TSPAN5: variants seen among roughly 807,000 people sequenced by gnomAD.
TSPAN5 encodes the protein tetraspanin 5, also known as tetraspanin-5.
A neutral mutation model predicts 37.1 loss-of-function variants in TSPAN5; 10 were observed. That is an observed-to-expected ratio of 0.27 (90% confidence interval 0.17 to 0.46). The LOEUF (loss-of-function observed/expected upper bound fraction) is 0.46. Ranked by LOEUF, TSPAN5 falls within the 20% of genes least tolerant of loss-of-function variation. The pLI is 1.00. For missense variants in TSPAN5, 195 were observed against 326.6 expected (o/e 0.60, Z 3.11); for synonymous variants, 110 against 118.9 (o/e 0.93, Z 0.48).
At chr4:98,598,769 C>T (rs1359772484) in intron 1 of TSPAN5, among the ~76,000 whole-genome samples, 1 of 152,138 alleles carries the variant, frequency 6.6e-6, no homozygotes, top group Admixed American at 6.5e-5. Flanking sequence ...TGCCTGGCCC[C>T]TCCTAAATTT....
At chr4:98,530,487 C>T (rs920670944) in intron 1 of TSPAN5, among the ~76,000 whole-genome samples, 8 of 152,140 alleles carry the variant, frequency 5.3e-5, no homozygotes. Flanking sequence ...GGAAAAGCCA[C>T]AGCCGTTTCC....
chr4:98,521,214 G>A (rs1163407309), intron 1 of TSPAN5, among the ~76,000 whole-genome samples: 4 of 152,220 alleles, frequency 2.6e-5, no homozygotes, highest in Non-Finnish European at 5.9e-5. Context: ...ACAGGTGTGA[G>A]CCACCTTATC....
chr4:98,651,493 G>T (rs2110291557), intron 1 of TSPAN5, among the ~76,000 whole-genome samples: 1 of 152,274 alleles, frequency 6.6e-6, no homozygotes, highest in Non-Finnish European at 1.5e-5. Context: ...GTTGTACTGT[G>T]GTGATCTAGG....
chr4:98,650,510 A>G (rs1757162912), intron 1 of TSPAN5, among the ~76,000 whole-genome samples: 1 of 151,994 alleles, frequency 6.6e-6, no homozygotes. Flanking sequence ...CGAACCAAGA[A>G]TCTCACTGTC....
chr4:98,607,373 C>A (rs1407606211), intron 1 of TSPAN5, among the ~76,000 whole-genome samples: 1 of 152,154 alleles, frequency 6.6e-6, no homozygotes, highest in East Asian at 1.9e-4. Context: ...AGGAATGCGA[C>A]ATGTGATAAA....
At chr4:98,580,512 T>C (rs749860241) in intron 1 of TSPAN5, among the ~76,000 whole-genome samples, 3 of 152,066 alleles carry the variant, frequency 2.0e-5, no homozygotes, top group Non-Finnish European at 4.4e-5. Flanking sequence ...AGGTGGGTGA[T>C]AGTGGAACAA....
At chr4:98,632,449 A>T (rs1455399280) in intron 1 of TSPAN5, among the ~76,000 whole-genome samples, 1 of 152,138 alleles carries the variant, frequency 6.6e-6, no homozygotes, top group Non-Finnish European at 1.5e-5. Flanking sequence ...GGATCATCAT[A>T]TATGCTGTCA....
chr4:98,549,532 C>T (rs1243734060), intron 1 of TSPAN5, among the ~76,000 whole-genome samples: 1 of 152,028 alleles, frequency 6.6e-6, no homozygotes, highest in African/African-American at 2.4e-5. Flanking sequence ...AACTCCTGAC[C>T]TTGTGATCTG....
At chr4:98,492,156 G>A (rs1449666806) in intron 2 of TSPAN5, among the ~76,000 whole-genome samples, 2 of 152,114 alleles carry the variant, frequency 1.3e-5, no homozygotes, top group Non-Finnish European at 2.9e-5. Context: ...GGCCTGGTGA[G>A]GGCTGAGAAG....
chr4:98,624,252 T>G (rs2178216), intron 1 of TSPAN5, among the ~76,000 whole-genome samples: 65,535 of 151,336 alleles, frequency 0.43, 14,380 homozygotes, highest in African/African-American at 0.47. Flanking sequence ...AAACACAGAA[T>G]TGAAATACAA....
intron 1 of TSPAN5, among the ~76,000 whole-genome samples, chr4:98,552,803 C>A (rs1373555466): frequency 1.3e-5 from 2 of 152,160 alleles, no homozygotes; most frequent in African/African-American, 2.4e-5. Context: ...AAAGCAAAGG[C>A]AAGAAATGGA....
intron 1 of TSPAN5, among the ~76,000 whole-genome samples, chr4:98,576,272 C>T (rs1448706745): frequency 6.6e-6 from 1 of 152,118 alleles, no homozygotes; most frequent in African/African-American, 2.4e-5. Context: ...TTTCAATTAA[C>T]TCAAAATCAA....
At chr4:98,575,889 T>C (rs1579003582) in intron 1 of TSPAN5, among the ~76,000 whole-genome samples, 1 of 151,206 alleles carries the variant, frequency 6.6e-6, no homozygotes, top group Non-Finnish European at 1.5e-5. Flanking sequence ...GCCAACATGG[T>C]GAAACCCCAT....
chr4:98,653,267 G>A (rs892121795), intron 1 of TSPAN5, among the ~76,000 whole-genome samples: 5 of 145,340 alleles, frequency 3.4e-5, no homozygotes, highest in South Asian at 2.2e-4. Flanking sequence ...CTCCCCCACC[G>A]CCCCAAGGTT....
chr4:98,473,755 A>G (rs1470685496), intron 7 of TSPAN5, among the ~76,000 whole-genome samples: 1 of 152,034 alleles, frequency 6.6e-6, no homozygotes, highest in African/African-American at 2.4e-5. Context: ...GTCTGTTCAG[A>G]TCCTCTGCCC....
intron 2 of TSPAN5, among the ~76,000 whole-genome samples, chr4:98,497,834 G>A (rs62323582): frequency 6.6e-6 from 1 of 152,134 alleles, no homozygotes. Flanking sequence ...TGCATGGGGA[G>A]GGGCAGAAGG....
chr4:98,527,345 G>A (rs560039076), intron 1 of TSPAN5, among the ~76,000 whole-genome samples: 1 of 152,222 alleles, frequency 6.6e-6, no homozygotes, highest in Non-Finnish European at 1.5e-5. Context: ...CATTAGAGAG[G>A]TTTCTTTTGA....
intron 1 of TSPAN5, among the ~76,000 whole-genome samples, chr4:98,651,792 A>G (rs762799848): frequency 1.3e-5 from 2 of 151,682 alleles, no homozygotes; most frequent in Non-Finnish European, 2.9e-5. Context: ...AGAATGCTTC[A>G]CTGACTAGGA....
chr4:98,607,257 C>T (rs182997143), intron 1 of TSPAN5, among the ~76,000 whole-genome samples: 2 of 152,264 alleles, frequency 1.3e-5, no homozygotes, highest in East Asian at 3.9e-4. Context: ...GGAGAGAGTT[C>T]ATCAAAGAAC....
Sources: allele counts gnomAD v4.1 joint callset (sites outside exome capture counted in the v4.1 genomes callset), GRCh38; gene constraint gnomAD v4.1.1; transcripts MANE v1.5; gene names NCBI Gene and HGNC (gene_info 2026-07-23, HGNC 2026-07-21).